SLC4A10: variants seen among roughly 807,000 people sequenced by gnomAD.
The protein encoded by SLC4A10 is solute carrier family 4 member 10.
Under a neutral mutation model 137.7 loss-of-function variants are expected in SLC4A10, and 42 were observed. That is an observed-to-expected ratio of 0.30 (90% CI 0.24 to 0.39). The LOEUF is 0.39. Ranked by LOEUF, SLC4A10 falls within the 10% of genes least tolerant of loss-of-function variation. The pLI is 1.00. For synonymous variants in SLC4A10, 474 were observed against 464.1 expected (o/e 1.02, Z -0.27); for missense variants, 925 against 1,355.0 (o/e 0.68, Z 4.98).
At chr2:161,933,156 CTCTT>C (rs956858732) in intron 15 of SLC4A10, among the ~76,000 whole-genome samples, 18 of 83,340 alleles carry the variant, frequency 2.2e-4, no homozygotes, top group African/African-American at 5.3e-4. Flanking sequence ...TCTTTCTTTC[CTCTT>C]TCTTTCTCTT....
intron 4 of SLC4A10, among the ~76,000 whole-genome samples, chr2:161,850,736 C>A (rs770506603): frequency 6.6e-6 from 1 of 151,974 alleles, no homozygotes; most frequent in Non-Finnish European, 1.5e-5. Context: ...TTGGTTATTT[C>A]TTTTCTTCTG....
At chr2:161,778,771 T>TA (rs576520761) in intron 2 of SLC4A10, among the ~76,000 whole-genome samples, 3 of 151,732 alleles carry the variant, frequency 2.0e-5, no homozygotes, top group Admixed American at 6.6e-5. Context: ...AAAGATACTT[T>TA]AAAAAAAACT....
At chr2:161,822,320 C>G (rs774381163) in intron 3 of SLC4A10, among the ~76,000 whole-genome samples, 1 of 152,122 alleles carries the variant, frequency 6.6e-6, no homozygotes, top group Non-Finnish European at 1.5e-5. Flanking sequence ...CATGGGGACC[C>G]TAATACCAAT....
intron 23 of SLC4A10, among the ~76,000 whole-genome samples, chr2:161,970,005 A>T (rs1698242561): frequency 6.6e-6 from 1 of 152,186 alleles, no homozygotes; most frequent in Non-Finnish European, 1.5e-5. Flanking sequence ...GGCAACCTAG[A>T]ATGCAAATTC....
At chr2:161,663,216 A>G (rs1282492772) in intron 1 of SLC4A10, among the ~76,000 whole-genome samples, 1 of 152,198 alleles carries the variant, frequency 6.6e-6, no homozygotes, top group Non-Finnish European at 1.5e-5. Flanking sequence ...ACTGGAACCA[A>G]ATTAGAGGAA....
intron 6 of SLC4A10, among the ~76,000 whole-genome samples, chr2:161,871,739 G>T (rs1340647699): frequency 6.6e-6 from 1 of 152,054 alleles, no homozygotes; most frequent in Non-Finnish European, 1.5e-5. Flanking sequence ...TTCATACTGT[G>T]TGAAATAAAG....
intron 15 of SLC4A10, among the ~76,000 whole-genome samples, chr2:161,932,858 T>G (rs566284530): frequency 1.3e-5 from 2 of 152,184 alleles, no homozygotes; most frequent in East Asian, 3.9e-4. Flanking sequence ...TCTAGATGTG[T>G]CTAGGTCTGA....
chr2:161,818,667 A>G (rs2057339405), intron 3 of SLC4A10, among the ~76,000 whole-genome samples: 1 of 152,142 alleles, frequency 6.6e-6, no homozygotes, highest in Non-Finnish European at 1.5e-5. Context: ...TACCTAATTT[A>G]TTGAGAGTTT....
chr2:161,934,159 C>A (rs1294653255), intron 15 of SLC4A10, among the ~76,000 whole-genome samples: 2 of 152,104 alleles, frequency 1.3e-5, no homozygotes, highest in African/African-American at 4.8e-5. Context: ...CTTTCTGTTA[C>A]AAACAATCCA....
intron 1 of SLC4A10, among the ~76,000 whole-genome samples, chr2:161,649,697 T>C (rs1440270038): frequency 6.6e-6 from 1 of 151,956 alleles, no homozygotes; most frequent in African/African-American, 2.4e-5. Context: ...ATCTTTTCAT[T>C]TGTCAGTTTT....
chr2:161,867,029 C>T, intron 6 of SLC4A10, among the ~76,000 whole-genome samples: 1 of 151,774 alleles, frequency 6.6e-6, no homozygotes, highest in Non-Finnish European at 1.5e-5. Flanking sequence ...TATTTAGGAT[C>T]TCAAAAGGAG....
At position 161,681,254 on chromosome 2, in the gene SLC4A10, G is replaced by A. The variant is rs184642036; in HGVS notation, c.48+56688G>A. On this transcript the variant is annotated intron_variant, in intron 1 of 26. Coordinates refer to ENST00000446997, the MANE Select transcript of SLC4A10 (RefSeq NM_001178015.2). ...TGCTCATGACTCATAATTCCTCATT[G>A]CCACCATTTCGCATCAGCCATACAC... Among the ~76,000 whole-genome samples the A allele has an allele frequency of 3.0e-3, 462 of 152,088 alleles. 1 individual carries two copies. The highest frequency in any genetic ancestry group is 4.7e-3 in the Non-Finnish European group (317 of 67,982).
At chr2:161,791,519 T>C (rs2054207627) in intron 2 of SLC4A10, among the ~76,000 whole-genome samples, 1 of 152,160 alleles carries the variant, frequency 6.6e-6, no homozygotes, top group Non-Finnish European at 1.5e-5. Context: ...TGATGGACTC[T>C]GGGCTTAATA....
intron 3 of SLC4A10, among the ~76,000 whole-genome samples, chr2:161,839,101 A>C (rs1329535925): frequency 2.0e-5 from 3 of 152,246 alleles, no homozygotes; most frequent in African/African-American, 7.2e-5. Context: ...AGAGTGGTAC[A>C]TTCCTGCAAT....
chr2:161,814,219 A>G (rs2056838395), intron 3 of SLC4A10, among the ~76,000 whole-genome samples: 1 of 152,170 alleles, frequency 6.6e-6, no homozygotes, highest in Non-Finnish European at 1.5e-5. Flanking sequence ...AACCAAAACC[A>G]CAATGAGATA....
chr2:161,835,782 C>CATTA (rs1328958883), intron 3 of SLC4A10, among the ~76,000 whole-genome samples: 1 of 152,202 alleles, frequency 6.6e-6, no homozygotes. Flanking sequence ...TGTACCTGAT[C>CATTA]TAATGCCTCC....
At chr2:161,807,625 A>T (rs2056129484) in intron 3 of SLC4A10, among the ~76,000 whole-genome samples, 1 of 152,176 alleles carries the variant, frequency 6.6e-6, no homozygotes, top group African/African-American at 2.4e-5. Flanking sequence ...AGTCTTAGGA[A>T]TACTTTAGCA....
At chr2:161,656,589 T>C (rs1486475433) in intron 1 of SLC4A10, among the ~76,000 whole-genome samples, 1 of 152,208 alleles carries the variant, frequency 6.6e-6, no homozygotes, top group Non-Finnish European at 1.5e-5. Context: ...AACTGTATTC[T>C]AATAACATGT....
intron 1 of SLC4A10, among the ~76,000 whole-genome samples, chr2:161,733,625 T>C (rs2047033132): frequency 6.6e-6 from 1 of 152,220 alleles, no homozygotes; most frequent in South Asian, 2.1e-4. Flanking sequence ...CTAGTGGAGC[T>C]GTGAGAAGAG....
Sources: allele counts gnomAD v4.1 joint callset (sites outside exome capture counted in the v4.1 genomes callset), GRCh38; gene constraint gnomAD v4.1.1; transcripts MANE v1.5; gene names NCBI Gene and HGNC (gene_info 2026-07-23, HGNC 2026-07-21).